The following PSMD5 variants were observed in gnomAD, a reference collection of about 807,000 sequenced individuals.
PSMD5 encodes proteasome 26S subunit, non-ATPase 5.
PSMD5 carries 40 observed loss-of-function variants against 52.1 expected under a neutral mutation model. The ratio of observed to expected loss-of-function variants is 0.77; its 90% confidence interval spans 0.60 to 1.00. The LOEUF is 1.00. Among genes scored for constraint, PSMD5 ranks in the 50% least tolerant of loss-of-function variants. The pLI, the probability that PSMD5 is intolerant of heterozygous loss-of-function variation, is 0.00. For missense variants in PSMD5, 575 were observed against 605.2 expected (o/e 0.95, Z 0.52); for synonymous variants, 211 against 226.6 (o/e 0.93, Z 0.62).
chr9:120,828,388 T>TA (rs1169687041), intron 5 of PSMD5, among the ~76,000 whole-genome samples: 1 of 151,140 alleles, frequency 6.6e-6, no homozygotes, highest in African/African-American at 2.4e-5. Flanking sequence ...AAACAGCTAA[T>TA]AAATAGTAGA....
At chr9:120,826,963 A>T in intron 5 of PSMD5, 56 bp from the exon 6 acceptor site, 1 of 1,514,424 alleles carries the variant, frequency 6.6e-7, no homozygotes, top group Non-Finnish European at 9.0e-7. Context: ...TGCATAGTTT[A>T]TAAATTGCTC....
intron 1 of PSMD5, among the ~76,000 whole-genome samples, chr9:120,840,416 G>A (rs1400431577): frequency 2.0e-5 from 3 of 150,882 alleles, no homozygotes; most frequent in South Asian, 4.2e-4. Context: ...CACTGCTCCC[G>A]GTCTACAAAG....
chr9:120,835,500 G>A (rs954569731), intron 1 of PSMD5, among the ~76,000 whole-genome samples: 4 of 152,066 alleles, frequency 2.6e-5, no homozygotes, highest in Non-Finnish European at 5.9e-5. Flanking sequence ...CATAGCAGGT[G>A]GGTCACCTGA....
At position 120,842,882 on chromosome 9, in the gene PSMD5, T is replaced by A. The variant is rs2045252366; in HGVS notation, c.28A>T (p.Arg10Ter). The change falls in exon 1 of 10, where the codon AGA (arginine) becomes TGA (stop). Residue 10 changes from arginine to a stop codon, truncating the protein, a stop_gained. Transcript: ENST00000210313. LOFTEE classifies it high-confidence loss of function. The stretch of plus-strand genomic sequence containing the variant: ...GGCGCTTCCAGCCTCGCTACCTCTC[T>A]CAGCAGCGCCAAAGCCTGGGCTGCC... MAAQALALLREVARLEAPLE... is the reference protein window; with the variant it reads MAAQALALL 3 of 1,598,312 alleles carry A rather than the reference T, an allele frequency of 1.9e-6. No individual in the cohort carries two copies. The highest frequency in any genetic ancestry group is 3.4e-5 in the Admixed American group (2 of 59,278).
chr9:120,833,975 C>CTTTTTTTTT (rs34657179), intron 1 of PSMD5, among the ~76,000 whole-genome samples: 1 of 80,322 alleles, frequency 1.2e-5, no homozygotes. Context: ...CGCACCTGGC[C>CTTTTTTTTT]TTTTTTTTTT....
rs1284829872 is a variant in PSMD5, at chr9:120,830,587, G to C, written c.561+744C>G. Among the ~76,000 whole-genome samples the C allele has an allele frequency of 2.6e-5, 4 of 152,262 alleles. No individual in the cohort carries two copies. In the East Asian group the frequency reaches 7.7e-4, roughly 29 times the overall value. On this transcript the variant is annotated intron_variant, in intron 4 of 9. Transcript: ENST00000210313. ...GTAGAAGGAAAAGCAGCATAGTATG[G>C]TATCATGACATGCAAAGTAAGAAAG...
intron 7 of PSMD5, among the ~76,000 whole-genome samples, chr9:120,822,267 A>G (rs373021570): frequency 1.3e-4 from 20 of 152,238 alleles, no homozygotes; most frequent in Admixed American, 7.2e-4. Context: ...CCTAGAACAC[A>G]TAATTACACG....
Position 120,824,512 on chromosome 9 carries a change from G to A in PSMD5, c.988C>T (p.Gln330Ter). 1 of 1,614,088 alleles carries A rather than the reference G, an allele frequency of 6.2e-7. No homozygotes were observed. The highest frequency in any genetic ancestry group is 1.1e-5 in the South Asian group (1 of 91,068). The change falls in exon 7 of 10, where the codon CAG (glutamine) becomes TAG (stop). Residue 330 changes from glutamine to a stop codon, truncating the protein, a stop_gained. Transcript: ENST00000210313. LOFTEE classifies it high-confidence loss of function. The stretch of plus-strand genomic sequence containing the variant: ...TACCAACCTGTTTTCTGTAAAACCT[G>A]TTTTCCTTCAACATTGGATCCCAAG... ...GILGSNVEGKQVLQKTGTRFE... is the reference protein window; with the variant it reads ...GILGSNVEGK
At chr9:120,818,904 A>G (rs1331441325) in intron 9 of PSMD5, among the ~76,000 whole-genome samples, 1 of 152,178 alleles carries the variant, frequency 6.6e-6, no homozygotes, top group African/African-American at 2.4e-5. Flanking sequence ...GAAATATGAA[A>G]TCATTTATGG....
At chr9:120,828,301 C>T (rs967417522) in intron 5 of PSMD5, among the ~76,000 whole-genome samples, 2 of 149,100 alleles carry the variant, frequency 1.3e-5, no homozygotes. Flanking sequence ...GCACCTGGCA[C>T]AATATCTTTT....
At chr9:120,839,229 T>C (rs765880901) in intron 1 of PSMD5, among the ~76,000 whole-genome samples, 4 of 150,192 alleles carry the variant, frequency 2.7e-5, no homozygotes, top group Non-Finnish European at 4.4e-5. Flanking sequence ...AGAAGTGGAG[T>C]GGAGGAAAAA....
chr9:120,842,901 G>A lies in PSMD5; in HGVS notation c.9C>T (p.Ala3=), dbSNP rs774389574. 1 of 1,587,016 alleles carries A rather than the reference G, an allele frequency of 6.3e-7. No individual in the cohort carries two copies. Among genetic ancestry groups the A allele is most frequent in the Non-Finnish European group, 8.5e-7 (1 of 1,172,226 alleles). MA[A]QALALLREVA... ...CCTCTCTCAGCAGCGCCAAAGCCTGGGCTGCCATCTTGCCCCCCGACGCAG... is the reference window on the plus strand; with the variant it reads ...CCTCTCTCAGCAGCGCCAAAGCCTGAGCTGCCATCTTGCCCCCCGACGCAG... Residue 3 remains alanine (A), a synonymous_variant, in exon 1 of 10, where the codon GCC becomes GCT. Transcript: ENST00000210313.
chr9:120,827,977 A>T (rs2045134224), intron 5 of PSMD5, among the ~76,000 whole-genome samples: 1 of 152,202 alleles, frequency 6.6e-6, no homozygotes, highest in Admixed American at 6.5e-5. Flanking sequence ...TCTATGGTCA[A>T]TTAGCTTAAT....
In PSMD5 at chr9:120,842,896, G is replaced by C. The variant is rs759143576; in HGVS notation, c.14C>G (p.Ala5Gly). ...CGCTACCTCTCTCAGCAGCGCCAAA[G>C]CCTGGGCTGCCATCTTGCCCCCCGA... MAAQ[A>G]LALLREVARL... is the part of the protein sequence containing the mutation. Residue 5 changes from alanine (A) to glycine (G), a missense_variant, in exon 1 of 10, where the codon GCT becomes GGT. Transcript: ENST00000210313. 15 of 1,589,204 alleles carry C rather than the reference G, an allele frequency of 9.4e-6. No individual in the cohort carries two copies. The highest frequency in any genetic ancestry group is 1.3e-5 in the Non-Finnish European group (15 of 1,173,190).
chr9:120,824,069 C>T (rs549242580), intron 7 of PSMD5: 25 of 163,638 alleles, frequency 1.5e-4, no homozygotes, highest in East Asian at 7.7e-4. Context: ...CCCGGGAGTT[C>T]GGGGCCAGCC....
At position 120,818,029 on chromosome 9, in the gene PSMD5, G is replaced by A. The variant is rs144855496; in HGVS notation, c.1392C>T (p.Ala464=). ...AGATTTCTGCAATTGTCTTGGAATT[G>A]GCAAGTGCTTTCACTAGTTCATATT... ...DAKYELVKAL[A]NSKTIAEIFG... The change falls in exon 10 of 10, where the codon GCC becomes GCT. Residue 464 remains alanine (A), a synonymous_variant. Transcript: ENST00000210313. The A allele has an allele frequency of 1.8e-3, 2,895 of 1,614,216 alleles. 11 individuals are homozygous for A. Among genetic ancestry groups the A allele is most frequent in the South Asian group, 8.0e-3 (732 of 91,086 alleles).
At chr9:120,835,390 T>C (rs1254718989) in intron 1 of PSMD5, among the ~76,000 whole-genome samples, 1 of 152,228 alleles carries the variant, frequency 6.6e-6, no homozygotes, top group Non-Finnish European at 1.5e-5. Context: ...TTGAGAATGA[T>C]TCTGTTTATA....
In PSMD5 at chr9:120,831,186, C is replaced by T. The variant is rs111262057; in HGVS notation, c.561+145G>A. The T allele has an allele frequency of 7.4e-5, 64 of 859,838 alleles. 1 individual carries two copies. In the African/African-American group the frequency reaches 1.0e-3, roughly 14 times the overall value. 53.3% of individuals were successfully genotyped at this position (859,838 alleles called of 1,614,324 possible). A position where few individuals can be genotyped will look rare whatever the true frequency, so the allele number is the denominator to read the frequency against. On this transcript the variant is annotated intron_variant, in intron 4 of 9. Transcript: ENST00000210313. ...GTATTTTTTATGACTGTCTCACATA[C>T]TAGGCTGGGAATGCATCCTTATATT...
At chr9:120,827,921 G>T (rs1038375486) in intron 5 of PSMD5, among the ~76,000 whole-genome samples, 1 of 152,194 alleles carries the variant, frequency 6.6e-6, no homozygotes, top group Non-Finnish European at 1.5e-5. Context: ...GGAAGAGACT[G>T]GAATTAACAT....
Sources: allele counts gnomAD v4.1 joint callset (sites outside exome capture counted in the v4.1 genomes callset), GRCh38; gene constraint gnomAD v4.1.1; transcripts MANE v1.5; gene names NCBI Gene and HGNC (gene_info 2026-07-23, HGNC 2026-07-21).